PRKG1: variants seen among roughly 807,000 people sequenced by gnomAD.
PRKG1 encodes the protein cGMP-dependent protein kinase 1.
PRKG1 carries 35 observed loss-of-function variants against 88.1 expected under a neutral mutation model. That is an observed-to-expected ratio of 0.40 (90% CI 0.30 to 0.53). The LOEUF is 0.53. Ranked by LOEUF, PRKG1 falls within the 20% of genes least tolerant of loss-of-function variation. The probability of loss-of-function intolerance (pLI) is 0.59; values close to 1 mark genes in which losing one functional copy is unlikely to be tolerated. For missense variants in PRKG1, 540 were observed against 839.8 expected, an observed-to-expected ratio of 0.64 and a Z score of 4.41; for synonymous variants, 303 against 292.5, an observed-to-expected ratio of 1.04 and a Z score of -0.37.
intron 1 of PRKG1, among the ~76,000 whole-genome samples, chr10:51,102,310 T>G (rs1180209262): frequency 6.6e-6 from 1 of 152,164 alleles, no homozygotes; most frequent in African/African-American, 2.4e-5. Context: ...TTCCAAAAAT[T>G]TAACAACCTG....
chr10:51,791,566 T>G (rs1463287552), intron 3 of PRKG1, among the ~76,000 whole-genome samples: 3 of 152,116 alleles, frequency 2.0e-5, no homozygotes, highest in Non-Finnish European at 4.4e-5. Flanking sequence ...CCGAAACATC[T>G]GCTGAACACT....
At chr10:51,818,596 T>C (rs1839654144) in intron 4 of PRKG1, among the ~76,000 whole-genome samples, 1 of 152,232 alleles carries the variant, frequency 6.6e-6, no homozygotes, top group South Asian at 2.1e-4. Context: ...ACAATGTGTT[T>C]GATCTCTCCT....
chr10:51,484,672 C>T (rs905116730), intron 3 of PRKG1, among the ~76,000 whole-genome samples: 2 of 152,188 alleles, frequency 1.3e-5, no homozygotes, highest in African/African-American at 4.8e-5. Flanking sequence ...ACGTGAGACT[C>T]ACCACTTAAG....
chr10:51,459,202 C>A (rs1378840283), intron 2 of PRKG1, among the ~76,000 whole-genome samples: 2 of 152,100 alleles, frequency 1.3e-5, no homozygotes, highest in African/African-American at 4.8e-5. Flanking sequence ...AAGCTTTCAT[C>A]TTCCCCCAAA....
chr10:51,145,423 A>G (rs1159491396), intron 1 of PRKG1, among the ~76,000 whole-genome samples: 2 of 150,726 alleles, frequency 1.3e-5, no homozygotes, highest in African/African-American at 5.0e-5. Flanking sequence ...TTCTTAATAG[A>G]TCAGGCCACA....
At chr10:51,266,555 G>A (rs1363580165) in intron 2 of PRKG1, among the ~76,000 whole-genome samples, 2 of 152,190 alleles carry the variant, frequency 1.3e-5, no homozygotes, top group Non-Finnish European at 2.9e-5. Context: ...TTCCAAGATT[G>A]CTTAAAGTTT....
intron 1 of PRKG1, among the ~76,000 whole-genome samples, chr10:51,058,912 G>A (rs1206583911): frequency 1.3e-5 from 2 of 152,106 alleles, no homozygotes; most frequent in Non-Finnish European, 2.9e-5. Flanking sequence ...CTATTTAAAC[G>A]ACTATATTTA....
chr10:51,502,895 G>A (rs1841073072), intron 3 of PRKG1, among the ~76,000 whole-genome samples: 1 of 152,164 alleles, frequency 6.6e-6, no homozygotes, highest in Non-Finnish European at 1.5e-5. Flanking sequence ...TTATAAATCA[G>A]CTGTAAGGCT....
At chr10:51,194,655 G>T (rs188002171) in intron 2 of PRKG1, among the ~76,000 whole-genome samples, 1 of 151,800 alleles carries the variant, frequency 6.6e-6, no homozygotes, top group Non-Finnish European at 1.5e-5. Flanking sequence ...GTAGTTTTTC[G>T]GTGTGTGTAT....
At chr10:52,054,414 T>TTC in intron 5 of PRKG1, 70 bp from the exon 6 acceptor site, 2 of 1,140,252 alleles carry the variant, frequency 1.8e-6, no homozygotes, top group South Asian at 1.3e-5. Flanking sequence ...GGGTTGATAT[T>TTC]TGAAGAGGCT....
chr10:51,107,893 T>C lies in PRKG1; in HGVS notation c.311+32992T>C, dbSNP rs186061987. ...AGAGGGAGAAGACACACAATATCAA[T>C]GTCAGAAATGAGAGAGAGGCATTTT... On this transcript the variant is annotated intron_variant, in intron 1 of 17. Coordinates refer to ENST00000373980, the MANE Select transcript of PRKG1 (RefSeq NM_006258.4). Among the ~76,000 whole-genome samples the C allele has an allele frequency of 3.3e-5, 5 of 150,610 alleles. No homozygotes were observed. In the East Asian group the frequency reaches 9.7e-4, roughly 29 times the overall value.
At chr10:52,290,076 A>C (rs777567359) in intron 16 of PRKG1, 148 bp from the exon 17 acceptor site, 7 of 588,774 alleles carry the variant, frequency 1.2e-5, no homozygotes, top group Non-Finnish European at 2.1e-5. Flanking sequence ...AACTATTAGG[A>C]AAACATATGC....
intron 7 of PRKG1, among the ~76,000 whole-genome samples, chr10:52,077,746 C>G (rs929450979): frequency 5.3e-5 from 8 of 152,106 alleles, no homozygotes; most frequent in Admixed American, 5.2e-4. Context: ...CATTTTAGTT[C>G]TGCAGTAGGT....
In PRKG1 at chr10:51,445,322, A is replaced by C. The variant is rs139259520; in HGVS notation, c.479-22401A>C. Among the ~76,000 whole-genome samples the C allele has an allele frequency of 2.1e-3, 317 of 152,074 alleles. 3 individuals are homozygous for C. The highest frequency in any genetic ancestry group is 8.7e-3 in the South Asian group (42 of 4,826). The stretch of plus-strand genomic sequence containing the variant: ...TCTAATTTAAAGCTTTATCGTAATC[A>C]TCACAGGTGAAAATGGACATCTTTG... On this transcript the variant is annotated intron_variant, in intron 2 of 17. Transcript: ENST00000373980.
intron 4 of PRKG1, among the ~76,000 whole-genome samples, chr10:51,892,412 A>G (rs1485371558): frequency 1.3e-5 from 2 of 152,160 alleles, no homozygotes; most frequent in African/African-American, 2.4e-5. Context: ...TAAACTAAGG[A>G]TTAAGAGTCC....
chr10:52,018,223 G>A (rs1246969894), intron 5 of PRKG1, among the ~76,000 whole-genome samples: 1 of 152,124 alleles, frequency 6.6e-6, no homozygotes, highest in Admixed American at 6.6e-5. Flanking sequence ...TCTTCACCTT[G>A]ATAGGAATGA....
intron 8 of PRKG1, among the ~76,000 whole-genome samples, chr10:52,155,663 A>G (rs999613674): frequency 1.3e-5 from 2 of 151,760 alleles, no homozygotes; most frequent in Non-Finnish European, 2.9e-5. Flanking sequence ...CAAGATTGTA[A>G]AATTACAATA....
At chr10:51,271,455 TA>T in intron 2 of PRKG1, among the ~76,000 whole-genome samples, 1 of 152,300 alleles carries the variant, frequency 6.6e-6, no homozygotes, top group East Asian at 1.9e-4. Context: ...TTTTGTCCTA[TA>T]AATTGAGATG....
intron 5 of PRKG1, among the ~76,000 whole-genome samples, chr10:51,920,407 T>G (rs908884802): frequency 1.3e-5 from 2 of 152,168 alleles, no homozygotes; most frequent in East Asian, 1.9e-4. Context: ...TGTGAAGGCC[T>G]CTGATAGCCA....
Sources: allele counts gnomAD v4.1 joint callset (sites outside exome capture counted in the v4.1 genomes callset), GRCh38; gene constraint gnomAD v4.1.1; transcripts MANE v1.5; gene names NCBI Gene and HGNC (gene_info 2026-07-23, HGNC 2026-07-21).